Variants in ZNF180 observed in about 807,000 individuals in gnomAD.
ZNF180 encodes zinc finger protein 180 (HHZ168).
Under a neutral mutation model 11.8 loss-of-function variants are expected in ZNF180, and 11 were observed. The observed-to-expected ratio is 0.93, with a 90% CI of 0.59 to 1.55. The LOEUF (loss-of-function observed/expected upper bound fraction) is 1.55, where lower values mean the gene tolerates loss of function less well. Ranked by LOEUF, ZNF180 falls within the 40% of genes most tolerant of loss-of-function variation. ZNF180 has a pLI of 0.00. For synonymous variants in ZNF180, 287 were observed against 257.7 expected (o/e 1.11, Z -1.09); for missense variants, 773 against 781.7 (o/e 0.99, Z 0.13).
intron 2 of ZNF180, among the ~76,000 whole-genome samples, chr19:44,489,301 G>A (rs1970359409): frequency 7.1e-6 from 1 of 141,580 alleles, no homozygotes; most frequent in Admixed American, 7.4e-5. Flanking sequence ...TAGAAAAGGG[G>A]GAAAGGTGGG....
rs1426002088 is a variant in ZNF180, at chr19:44,476,950, G to A, written c.1450C>T (p.His484Tyr). 7.4e-6 allele frequency: 12 copies of A among 1,613,824 alleles called. No homozygotes were observed. The Admixed American group carries it at 1.3e-4, about 18-fold the overall frequency. ...TTTTCTCCTGTGTGAGTTCTCTGAT[G>A]AGCAACAAGTTTATAACTTTGACTA... ...SFSQSYKLVA[H>Y]QRTHTGEKPF... The change falls in exon 5 of 5, where the codon CAT (histidine) becomes TAT (tyrosine). Residue 484 changes from histidine (H) to tyrosine (Y), a missense_variant. Physicochemically the swap from His to Tyr is moderately conservative, Grantham distance 83. Transcript: ENST00000592529.
chr19:44,500,372 T>C lies in ZNF180; in HGVS notation c.-141A>G. ...GACGAACTCGGGTTAGGCAACCCCC[T>C]GCCCCGATTCTGCAACACGGCCGAC... is the stretch of plus-strand genomic sequence containing the variant. On this transcript the variant is annotated 5_prime_UTR_variant, in exon 1 of 5. Coordinates refer to ENST00000592529, the MANE Select transcript of ZNF180 (RefSeq NM_001278509.3). 1 of 1,157,330 alleles carries C rather than the reference T, an allele frequency of 8.6e-7. No individual in the cohort carries two copies. The highest frequency in any genetic ancestry group is 1.3e-6 in the Non-Finnish European group (1 of 788,212). 71.7% of individuals were successfully genotyped at this position (1,157,330 alleles called of 1,614,324 possible).
intron 2 of ZNF180, among the ~76,000 whole-genome samples, chr19:44,493,431 G>T (rs1014811385): frequency 3.3e-5 from 5 of 152,190 alleles, no homozygotes; most frequent in Non-Finnish European, 5.9e-5. Context: ...AAAGACTTTG[G>T]CTCCCTTGAT....
At chr19:44,491,468 C>T (rs191053373) in intron 2 of ZNF180, among the ~76,000 whole-genome samples, 42 of 152,338 alleles carry the variant, frequency 2.8e-4, no homozygotes, top group African/African-American at 1.0e-3. Flanking sequence ...CATCTTAGCT[C>T]CCTCAGTTTC....
chr19:44,496,246 T>C (rs1970575516), intron 2 of ZNF180, among the ~76,000 whole-genome samples: 1 of 151,934 alleles, frequency 6.6e-6, no homozygotes, highest in Non-Finnish European at 1.5e-5. Context: ...CCTGTACTCC[T>C]GGCCTCAAGC....
chr19:44,496,674 A>ATCTGTCTC, intron 2 of ZNF180: 2 of 25,264 alleles, frequency 7.9e-5, no homozygotes, highest in African/African-American at 2.2e-4. Context: ...CTCTGTCTCA[A>ATCTGTCTC]AAAAAAAAAA....
chr19:44,498,512 G>A (rs547242451), intron 1 of ZNF180, among the ~76,000 whole-genome samples: 2 of 152,232 alleles, frequency 1.3e-5, no homozygotes, highest in South Asian at 2.1e-4. Context: ...ACATCTTTCG[G>A]GGGCACCTGT....
In ZNF180 at chr19:44,495,991, G is replaced by C. The variant is rs761974036; in HGVS notation, c.51+1293C>G. 1.2e-4 allele frequency among the ~76,000 whole-genome samples: 18 copies of C among 152,142 alleles called. No individual in the cohort carries two copies. The highest frequency in any genetic ancestry group is 2.4e-4 in the Non-Finnish European group (16 of 68,016). On this transcript the variant is annotated intron_variant, in intron 2 of 4. Coordinates refer to ENST00000592529, the MANE Select transcript of ZNF180 (RefSeq NM_001278509.3). The surrounding 1 kb of genome is among the most constrained non-coding windows in gnomAD (Gnocchi z 4.5). The stretch of plus-strand genomic sequence containing the variant: ...TTTTAAGAAATTAAGAGTTTTCAAA[G>C]AATATTTGCGGTGGGAAATGTTCTA...
At chr19:44,483,815 T>C (rs923387408) in intron 3 of ZNF180, among the ~76,000 whole-genome samples, 1 of 152,160 alleles carries the variant, frequency 6.6e-6, no homozygotes, top group Non-Finnish European at 1.5e-5. Context: ...TAACTTTTTT[T>C]CCTCTACTAA....
At chr19:44,494,776 A>G (rs1447372100) in intron 2 of ZNF180, among the ~76,000 whole-genome samples, 1 of 152,240 alleles carries the variant, frequency 6.6e-6, no homozygotes, top group Non-Finnish European at 1.5e-5. Flanking sequence ...AAACAATTGC[A>G]CATGTATACA....
rs535274415 is a variant in ZNF180, at chr19:44,500,103, C to T, written c.-44+172G>A. 9 of 1,571,562 alleles carry T rather than the reference C, an allele frequency of 5.7e-6. No individual in the cohort carries two copies. The East Asian group carries it at 1.3e-4, about 24-fold the overall frequency. On this transcript the variant is annotated intron_variant, in intron 1 of 4. Transcript: ENST00000592529. ...CGCGCATGCACGCAGAGGACAGTCGCGGAATATACAGCTGTATCAGTAACT... is the reference window on the plus strand; with the variant it reads ...CGCGCATGCACGCAGAGGACAGTCGTGGAATATACAGCTGTATCAGTAACT...
chr19:44,477,822 T>C lies in ZNF180; in HGVS notation c.578A>G (p.His193Arg), dbSNP rs748470506. The C allele has an allele frequency of 1.9e-6, 3 of 1,614,024 alleles. No homozygotes were observed. The highest frequency in any genetic ancestry group is 4.5e-5 in the East Asian group (2 of 44,872). Reference sequence around the variant, plus strand: ...ATGCCATTTTTTAGCATGTGATACATGTTTATGAAAATGGTTTCTTATGGG... The same window carrying C: ...ATGCCATTTTTTAGCATGTGATACACGTTTATGAAAATGGTTTCTTATGGG... ...VIPIRNHFHK[H>R]VSHAKKWHLN... is the part of the protein sequence containing the mutation. The change falls in exon 5 of 5, where the codon CAT becomes CGT. Residue 193 changes from histidine (H) to arginine (R), a missense_variant. Coordinates refer to ENST00000592529, the MANE Select transcript of ZNF180 (RefSeq NM_001278509.3).
At chr19:44,491,348 A>G (rs1970445792) in intron 2 of ZNF180, among the ~76,000 whole-genome samples, 1 of 152,376 alleles carries the variant, frequency 6.6e-6, no homozygotes, top group East Asian at 1.9e-4. Context: ...CAAGCTTGCA[A>G]CAAATGCATG....
Position 44,492,994 on chromosome 19 carries a change from T to C in ZNF180, c.51+4290A>G, listed in dbSNP as rs543214251. On this transcript the variant is annotated intron_variant, in intron 2 of 4. Coordinates refer to ENST00000592529, the MANE Select transcript of ZNF180 (RefSeq NM_001278509.3). ...CCAAATCTAGAAGGCGTAAAACCAA[T>C]ATTCACAAACTACAGCACTGGAAAG... 2.1e-3 allele frequency among the ~76,000 whole-genome samples: 313 copies of C among 152,198 alleles called. 1 individual carries two copies. Among genetic ancestry groups the C allele is most frequent in the Non-Finnish European group, 3.5e-3 (235 of 67,990 alleles).
intron 2 of ZNF180, among the ~76,000 whole-genome samples, chr19:44,488,020 C>T (rs1378647105): frequency 6.6e-6 from 1 of 152,122 alleles, no homozygotes; most frequent in African/African-American, 2.4e-5. Context: ...CCACCGTGCC[C>T]AGACTACTTT....
chr19:44,484,592 G>A (rs1161082312), intron 2 of ZNF180, 157 bp from the exon 3 acceptor site: 5 of 641,884 alleles, frequency 7.8e-6, no homozygotes, highest in East Asian at 2.8e-5. Flanking sequence ...GGTAAGCTCC[G>A]CTAACCATGT....
intron 1 of ZNF180, chr19:44,500,053 C>T: frequency 1.6e-6 from 2 of 1,216,544 alleles, no homozygotes; most frequent in Non-Finnish European, 2.4e-6. Context: ...AGGCCCCAGA[C>T]AAGAGCACCA....
intron 3 of ZNF180, among the ~76,000 whole-genome samples, chr19:44,479,771 T>C (rs185191348): frequency 7.2e-5 from 11 of 152,318 alleles, no homozygotes; most frequent in African/African-American, 2.6e-4. Context: ...ACAGGGGTGG[T>C]TGATTTTTTT....
chr19:44,477,125 A>G lies in ZNF180; in HGVS notation c.1275T>C (p.Leu425=), dbSNP rs1264154137. The G allele has an allele frequency of 6.2e-7, 1 of 1,613,020 alleles. No individual in the cohort carries two copies. Among genetic ancestry groups the G allele is most frequent in the African/African-American group, 1.3e-5 (1 of 74,898 alleles). ...CGGTATGTGTTCTTTGATGTGCAAT[A>G]AGTTTATAGCTCTGCCTGAATGACT... ...CGKSFRQSYK[L]IAHQRTHTGE... Residue 425 remains leucine, a synonymous_variant, in exon 5 of 5, where the codon CTT becomes CTC. Coordinates refer to ENST00000592529, the MANE Select transcript of ZNF180 (RefSeq NM_001278509.3).
Sources: allele counts gnomAD v4.1 joint callset (sites outside exome capture counted in the v4.1 genomes callset), GRCh38; gene constraint gnomAD v4.1.1; non-coding constraint Gnocchi (gnomAD v3.1); transcripts MANE v1.5; gene names NCBI Gene and HGNC (gene_info 2026-07-23, HGNC 2026-07-21).